MAPK4: variants seen among roughly 807,000 people sequenced by gnomAD.
MAPK4 encodes mitogen-activated protein kinase 4.
Under a neutral mutation model 47.7 loss-of-function variants are expected in MAPK4, and 22 were observed. The ratio of observed to expected loss-of-function variants is 0.46; its 90% CI spans 0.33 to 0.66. The LOEUF (loss-of-function observed/expected upper bound fraction) is 0.66, where lower values mean the gene tolerates loss of function less well. Among genes scored for constraint, MAPK4 ranks in the 30% least tolerant of loss-of-function variants. MAPK4 has a pLI of 0.02. For missense variants in MAPK4, 736 were observed against 831.7 expected (o/e 0.88, Z 1.42); for synonymous variants, 390 against 365.7 (o/e 1.07, Z -0.76).
At chr18:50,629,020 T>A (rs1239723527) in intron 1 of MAPK4, among the ~76,000 whole-genome samples, 1 of 152,254 alleles carries the variant, frequency 6.6e-6, no homozygotes, top group Non-Finnish European at 1.5e-5. Flanking sequence ...GGCTGAAGCC[T>A]TGTGGTATAC....
At chr18:50,716,062 C>G (rs1256913742) in intron 3 of MAPK4, among the ~76,000 whole-genome samples, 1 of 152,186 alleles carries the variant, frequency 6.6e-6, no homozygotes, top group Non-Finnish European at 1.5e-5. Context: ...GACGTCTCTC[C>G]TAATTCCCCA....
chr18:50,610,827 C>T (rs2042626718), intron 1 of MAPK4, among the ~76,000 whole-genome samples: 2 of 152,338 alleles, frequency 1.3e-5, no homozygotes, highest in African/African-American at 2.4e-5. Flanking sequence ...GTTCTCCTCT[C>T]CTTCTCCCCT....
At chr18:50,708,165 T>C (rs1484105593) in intron 2 of MAPK4, among the ~76,000 whole-genome samples, 2 of 150,922 alleles carry the variant, frequency 1.3e-5, no homozygotes, top group African/African-American at 4.8e-5. Context: ...TATTTGGCTG[T>C]GGTATTATTC....
At chr18:50,679,148 CGTGGCCTGGTTT>C (rs1248373859) in intron 2 of MAPK4, among the ~76,000 whole-genome samples, 2 of 152,172 alleles carry the variant, frequency 1.3e-5, no homozygotes, top group African/African-American at 4.8e-5. Context: ...GAATGGCCTG[CGTGGCCTGGTTT>C]CACAGGCCTG....
At chr18:50,707,130 C>T (rs1910097839) in intron 2 of MAPK4, among the ~76,000 whole-genome samples, 1 of 152,174 alleles carries the variant, frequency 6.6e-6, no homozygotes, top group Non-Finnish European at 1.5e-5. Context: ...AAGGACAAAG[C>T]CTGTATGATT....
At chr18:50,642,540 A>T (rs1015057751) in intron 1 of MAPK4, among the ~76,000 whole-genome samples, 3 of 152,226 alleles carry the variant, frequency 2.0e-5, no homozygotes, top group African/African-American at 7.2e-5. Flanking sequence ...AATAAGGCCT[A>T]TGAGGATGCT....
chr18:50,670,321 G>A (rs1454595836), intron 2 of MAPK4: 1 of 152,270 alleles, frequency 6.6e-6, no homozygotes, highest in Non-Finnish European at 1.5e-5. Flanking sequence ...ATGTGTTTTG[G>A]TGGATCATTC....
chr18:50,569,217 T>C (rs1406821478), intron 1 of MAPK4, among the ~76,000 whole-genome samples: 1 of 152,256 alleles, frequency 6.6e-6, no homozygotes, highest in African/African-American at 2.4e-5. Flanking sequence ...AGTGTTTTTA[T>C]ATTTTAGTCT....
intron 1 of MAPK4, among the ~76,000 whole-genome samples, chr18:50,615,672 G>A (rs2042678742): frequency 2.0e-5 from 3 of 152,218 alleles, no homozygotes. Flanking sequence ...CGCCATTTGG[G>A]TGACAACTGG....
chr18:50,619,673 T>C (rs1286589800), intron 1 of MAPK4, among the ~76,000 whole-genome samples: 3 of 152,202 alleles, frequency 2.0e-5, no homozygotes, highest in Non-Finnish European at 4.4e-5. Context: ...CAAATTTCAG[T>C]GTCATTGATG....
intron 1 of MAPK4, among the ~76,000 whole-genome samples, chr18:50,588,127 G>T (rs1437826500): frequency 6.8e-6 from 1 of 146,368 alleles, no homozygotes; most frequent in African/African-American, 2.5e-5. Context: ...CAAAACTTGT[G>T]CCTTAAAATA....
chr18:50,704,315 A>G (rs1909937353), intron 2 of MAPK4, among the ~76,000 whole-genome samples: 1 of 152,128 alleles, frequency 6.6e-6, no homozygotes, highest in African/African-American at 2.4e-5. Flanking sequence ...TTCGAGACCA[A>G]CTGGCCAACA....
chr18:50,632,272 T>C (rs547275972), intron 1 of MAPK4, among the ~76,000 whole-genome samples: 1 of 152,334 alleles, frequency 6.6e-6, no homozygotes, highest in South Asian at 2.1e-4. Flanking sequence ...CCGTGGGCAT[T>C]CTGTGGATTG....
chr18:50,562,457 G>A (rs1174684841), intron 1 of MAPK4, among the ~76,000 whole-genome samples: 1 of 150,758 alleles, frequency 6.6e-6, no homozygotes, highest in Non-Finnish European at 1.5e-5. Flanking sequence ...AAACAAGGAA[G>A]GAACCAATAG....
At chr18:50,723,833 C>T (rs1911055386) in intron 4 of MAPK4, among the ~76,000 whole-genome samples, 1 of 147,076 alleles carries the variant, frequency 6.8e-6, no homozygotes, top group South Asian at 2.2e-4. Flanking sequence ...CACTGTACTC[C>T]AACCTGGATG....
At chr18:50,630,708 T>C (rs934300897) in intron 1 of MAPK4, among the ~76,000 whole-genome samples, 1 of 152,234 alleles carries the variant, frequency 6.6e-6, no homozygotes, top group South Asian at 2.1e-4. Flanking sequence ...TAAACAAATA[T>C]TAGGATTAGC....
intron 1 of MAPK4, among the ~76,000 whole-genome samples, chr18:50,594,182 G>T (rs547325740): frequency 6.6e-6 from 1 of 152,160 alleles, no homozygotes; most frequent in African/African-American, 2.4e-5. Flanking sequence ...ATCTTCTTCC[G>T]CCTGCTTTAT....
At chr18:50,679,483 G>A (rs1202766155) in intron 2 of MAPK4, among the ~76,000 whole-genome samples, 1 of 152,026 alleles carries the variant, frequency 6.6e-6, no homozygotes, top group Non-Finnish European at 1.5e-5. Flanking sequence ...CCATAACTCT[G>A]GATCCTCATA....
At chr18:50,641,896 A>C (rs923510641) in intron 1 of MAPK4, among the ~76,000 whole-genome samples, 1 of 152,210 alleles carries the variant, frequency 6.6e-6, no homozygotes, top group African/African-American at 2.4e-5. Context: ...AACTGTTAGA[A>C]GTTCTCCTCA....
Sources: gnomAD v4.1 joint callset for allele counts (sites outside exome capture counted in the v4.1 genomes callset) on GRCh38, gnomAD v4.1.1 for gene constraint, MANE v1.5 for transcripts, NCBI Gene and HGNC (gene_info 2026-07-23, HGNC 2026-07-21) for gene names.